The following NEURL1B variants were observed in gnomAD, a reference collection of about 807,000 sequenced individuals.
NEURL1B encodes the protein neuralized E3 ubiquitin protein ligase 1B, also known as E3 ubiquitin-protein ligase NEURL1B.
NEURL1B carries 13 observed loss-of-function variants against 37.4 expected under a neutral mutation model. That is an observed-to-expected ratio of 0.35 (90% CI 0.23 to 0.55). The LOEUF (loss-of-function observed/expected upper bound fraction) is 0.55, where lower values mean the gene tolerates loss of function less well. Ranked by LOEUF, NEURL1B falls within the 20% of genes least tolerant of loss-of-function variation. The pLI is 0.89. For synonymous variants in NEURL1B, 432 were observed against 426.6 expected, an observed-to-expected ratio of 1.01 and a Z score of -0.16; for missense variants, 790 against 879.2, an observed-to-expected ratio of 0.90 and a Z score of 1.28.
chr5:172,684,971 T>A (rs1029443463), intron 3 of NEURL1B, among the ~76,000 whole-genome samples: 2 of 152,222 alleles, frequency 1.3e-5, no homozygotes, highest in Admixed American at 6.5e-5. Context: ...TGTTCCCTCA[T>A]TGAATTTTAT....
At chr5:172,666,320 G>A (rs1270203134) in intron 1 of NEURL1B, among the ~76,000 whole-genome samples, 3 of 152,174 alleles carry the variant, frequency 2.0e-5, no homozygotes, top group Non-Finnish European at 4.4e-5. Flanking sequence ...ACTCCATTTC[G>A]TCATGCATGC....
At position 172,686,828 on chromosome 5, in the gene NEURL1B, G is replaced by T; in HGVS notation, c.1571G>T (p.Cys524Phe). 2 of 1,551,576 alleles carry T rather than the reference G, an allele frequency of 1.3e-6. No homozygotes were observed. The highest frequency in any genetic ancestry group is 1.7e-6 in the Non-Finnish European group (2 of 1,147,190). ...VIYTCGHMCL[C>F]HSCGLRLKRQ... is the part of the protein sequence containing the mutation. ...TACACGTGTGGACACATGTGCCTGT[G>T]CCACAGCTGCGGCCTGCGGCTCAAG... The change falls in exon 5 of 5, where the codon TGC becomes TTC. Residue 524 changes from cysteine to phenylalanine, a missense_variant. This residue lies in a region of NEURL1B where 115 missense variants were observed against 162.6 expected (regional missense o/e 0.71). Transcript: ENST00000369800. The surrounding 1 kb of genome is among the most constrained non-coding windows in gnomAD (Gnocchi z 7.9).
chr5:172,664,736 T>C (rs1374439724), intron 1 of NEURL1B, among the ~76,000 whole-genome samples: 1 of 152,218 alleles, frequency 6.6e-6, no homozygotes, highest in Non-Finnish European at 1.5e-5. Flanking sequence ...TTCTTTTATT[T>C]TAAGCATCTT....
Position 172,683,688 on chromosome 5 carries a change from C to A in NEURL1B, c.847C>A (p.His283Asn). The part of the protein sequence containing the change: ...PALLEADLRF[H>N]ATRGPDVSLS... ...GCTACTGGAGGCCGACCTGCGCTTC[C>A]ACGCAACACGCGGGCCCGACGTGAG... Residue 283 changes from histidine (H) to asparagine (N), a missense_variant, in exon 3 of 5, where the codon CAC becomes AAC. By Grantham distance (68) the His-to-Asn change is moderately conservative. Transcript: ENST00000369800. This position sits in a 1 kb window ranked among gnomAD's most constrained non-coding sequence, Gnocchi z 5.6. 1 of 1,346,116 alleles carries A rather than the reference C, an allele frequency of 7.4e-7. No homozygotes were observed. The highest frequency in any genetic ancestry group is 9.6e-7 in the Non-Finnish European group (1 of 1,040,784). 83.4% of individuals were successfully genotyped at this position (1,346,116 alleles called of 1,614,324 possible).
At position 172,683,913 on chromosome 5, in the gene NEURL1B, G is replaced by A. The variant is rs753202681; in HGVS notation, c.1072G>A (p.Asp358Asn). Residue 358 changes from aspartate (D) to asparagine (N), a missense_variant, in exon 3 of 5, where the codon GAC becomes AAC. Transcript: ENST00000369800. This position sits in a 1 kb window ranked among gnomAD's most constrained non-coding sequence, Gnocchi z 5.6. ...GVLRPNELPA[D>N]PDALLDRKEY... ...GCTACGGCCCAACGAGCTGCCCGCC[G>A]ACCCAGACGCGCTGCTCGACCGCAA... is the stretch of plus-strand genomic sequence containing the variant. 5.7e-6 allele frequency: 8 copies of A among 1,411,042 alleles called. No individual in the cohort carries two copies. Among genetic ancestry groups the A allele is most frequent in the Admixed American group, 2.5e-5 (1 of 40,164 alleles). The allele number at this position is 1,411,042 out of a possible 1,614,324, so 87.4% of individuals were successfully genotyped here. A position where few individuals can be genotyped will look rare whatever the true frequency, so the allele number is the denominator to read the frequency against.
In NEURL1B at chr5:172,665,862, A is replaced by G. The variant is rs1758001064; in HGVS notation, c.32-3923A>G. Among the ~76,000 whole-genome samples the G allele has an allele frequency of 6.6e-6, 1 of 152,056 alleles. No homozygotes were observed. Among genetic ancestry groups the G allele is most frequent in the African/African-American group, 2.4e-5 (1 of 41,412 alleles). On this transcript the variant is annotated intron_variant, in intron 1 of 4. Coordinates refer to ENST00000369800, the MANE Select transcript of NEURL1B (RefSeq NM_001142651.3). This position sits in a 1 kb window ranked among gnomAD's most constrained non-coding sequence, Gnocchi z 4.1. ...GGTGCCATCGCCTGAGATGGTCTTTATCACGCCTGTTGTCGTTGGGCATTC... is the reference window on the plus strand; with the variant it reads ...GGTGCCATCGCCTGAGATGGTCTTTGTCACGCCTGTTGTCGTTGGGCATTC...
rs2113288333 is a variant in NEURL1B at position 172,661,803 on chromosome 5, TG to T, written c.32-7981del. On this transcript the variant is annotated intron_variant, in intron 1 of 4. Transcript: ENST00000369800. This position sits in a 1 kb window ranked among gnomAD's most constrained non-coding sequence, Gnocchi z 4.0. ...TTCCTGCCATCCTCCTGACGGTAAC[TG>T]CCATTTCCTTGGGCTCTTTTTAGAT... Among the ~76,000 whole-genome samples, 1 of 150,916 alleles carries T rather than the reference TG, an allele frequency of 6.6e-6. No homozygotes were observed. Among genetic ancestry groups the T allele is most frequent in the Non-Finnish European group, 1.5e-5 (1 of 66,900 alleles).
At chr5:172,684,831 A>G (rs558609684) in intron 3 of NEURL1B, among the ~76,000 whole-genome samples, 48 of 152,288 alleles carry the variant, frequency 3.2e-4, no homozygotes, top group Admixed American at 1.0e-3. Flanking sequence ...CATTTGCTAC[A>G]GCCGGGGGCT....
chr5:172,653,141 G>A (rs1179329196), intron 1 of NEURL1B, among the ~76,000 whole-genome samples: 4 of 152,170 alleles, frequency 2.6e-5, no homozygotes, highest in Non-Finnish European at 5.9e-5. Context: ...ACTTAGTTTT[G>A]AGGGAAAGGT....
rs531166968 is a variant in NEURL1B, at chr5:172,675,563, C to T, written c.577+5233C>T. Among the ~76,000 whole-genome samples, 90 of 152,168 alleles carry T rather than the reference C, an allele frequency of 5.9e-4. No homozygotes were observed. The highest frequency in any genetic ancestry group is 1.7e-3 in the African/African-American group (71 of 41,484). ...GACTGAGTGCAGGAAAATTACTTTT[C>T]GCTGAATTTAGCAGTTCCTGGAGCC... is the stretch of plus-strand genomic sequence containing the variant. On this transcript the variant is annotated intron_variant, in intron 2 of 4. Transcript: ENST00000369800. This position sits in a 1 kb window ranked among gnomAD's most constrained non-coding sequence, Gnocchi z 4.7.
At position 172,675,053 on chromosome 5, in the gene NEURL1B, A is replaced by G. The variant is rs1342992329; in HGVS notation, c.577+4723A>G. ...CCCGGCTAATTTTTGTATTTTTAGT[A>G]AAGATGGGGTTTCTACTGGGTACCT... On this transcript the variant is annotated intron_variant, in intron 2 of 4. Coordinates refer to ENST00000369800, the MANE Select transcript of NEURL1B (RefSeq NM_001142651.3). The surrounding 1 kb of genome is among the most constrained non-coding windows in gnomAD (Gnocchi z 4.7). 6.6e-6 allele frequency among the ~76,000 whole-genome samples: 1 copy of G among 152,028 alleles called. No homozygotes were observed. The highest frequency in any genetic ancestry group is 2.1e-4 in the South Asian group (1 of 4,808).
chr5:172,690,092 C>T lies in NEURL1B; in HGVS notation c.*3167C>T, dbSNP rs1758612649. The T allele has an allele frequency of 6.6e-6, 1 of 152,388 alleles. No individual in the cohort carries two copies. The highest frequency in any genetic ancestry group is 2.4e-5 in the African/African-American group (1 of 41,470). The allele number at this position is 152,388 out of a possible 1,614,324, so 9.4% of individuals were successfully genotyped here. On this transcript the variant is annotated 3_prime_UTR_variant, in exon 5 of 5. Transcript: ENST00000369800. ...CCTCGGCTGTTCCAGGCTCACTGCC[C>T]ATGGTGTGCTCTTCTGGGCCACAGC... is the stretch of plus-strand genomic sequence containing the variant.
chr5:172,644,166 C>CA (rs1300708204), intron 1 of NEURL1B, among the ~76,000 whole-genome samples: 2 of 152,120 alleles, frequency 1.3e-5, no homozygotes, highest in African/African-American at 4.8e-5. Context: ...GTGGCTAGTA[C>CA]AGAGTAAATG....
intron 2 of NEURL1B, among the ~76,000 whole-genome samples, chr5:172,681,415 G>C (rs1176886147): frequency 6.6e-6 from 1 of 152,154 alleles, no homozygotes; most frequent in Non-Finnish European, 1.5e-5. Context: ...GCACACATAT[G>C]TACTTTTTTA....
In NEURL1B at chr5:172,676,469, G is replaced by C. The variant is rs1461776150; in HGVS notation, c.577+6139G>C. On this transcript the variant is annotated intron_variant, in intron 2 of 4. Transcript: ENST00000369800. This position sits in a 1 kb window ranked among gnomAD's most constrained non-coding sequence, Gnocchi z 4.5. ...CTCATGGATCTGGCCTGGGTCACAT[G>C]CCTATCCTTGAACCCATCTCCATGG... Among the ~76,000 whole-genome samples, 11 of 152,210 alleles carry C rather than the reference G, an allele frequency of 7.2e-5. No homozygotes were observed. The highest frequency in any genetic ancestry group is 7.2e-4 in the Admixed American group (11 of 15,276).
rs1175730110 is a variant in NEURL1B at position 172,675,422 on chromosome 5, C to T, written c.577+5092C>T. Among the ~76,000 whole-genome samples the T allele has an allele frequency of 6.6e-6, 1 of 152,058 alleles. No homozygotes were observed. The highest frequency in any genetic ancestry group is 2.4e-5 in the African/African-American group (1 of 41,382). On this transcript the variant is annotated intron_variant, in intron 2 of 4. Coordinates refer to ENST00000369800, the MANE Select transcript of NEURL1B (RefSeq NM_001142651.3). This position sits in a 1 kb window ranked among gnomAD's most constrained non-coding sequence, Gnocchi z 4.7. The stretch of plus-strand genomic sequence containing the variant: ...TAGGGTGCATTGTCTCAGGGCTGCT[C>T]TATGCTTGTTTAATGGTCTCTGGGG...
At position 172,683,413 on chromosome 5, in the gene NEURL1B, G is replaced by C. The variant is rs765554936; in HGVS notation, c.578-6G>C. 5.2e-6 allele frequency: 7 copies of C among 1,346,536 alleles called. No homozygotes were observed. In the African/African-American group the frequency reaches 9.1e-5, roughly 18 times the overall value. 83.4% of individuals were successfully genotyped at this position (1,346,536 alleles called of 1,614,324 possible). A position where few individuals can be genotyped will look rare whatever the true frequency, so the allele number is the denominator to read the frequency against. Reference sequence around the variant, plus strand: ...CCCCTCCATGTCCCTCCCTTTGTCCGCACAGAGAGCGCCTTCGCTGACACG... The same window carrying C: ...CCCCTCCATGTCCCTCCCTTTGTCCCCACAGAGAGCGCCTTCGCTGACACG... On this transcript the variant is annotated splice_region_variant and splice_polypyrimidine_tract_variant and intron_variant, in intron 2 of 4. Transcript: ENST00000369800. The surrounding 1 kb of genome is among the most constrained non-coding windows in gnomAD (Gnocchi z 5.6).
At chr5:172,648,532 C>G (rs1204518969) in intron 1 of NEURL1B, among the ~76,000 whole-genome samples, 2 of 152,204 alleles carry the variant, frequency 1.3e-5, no homozygotes, top group East Asian at 3.9e-4. Context: ...AACGTAGGCA[C>G]AGAGAGGGAA....
intron 2 of NEURL1B, among the ~76,000 whole-genome samples, chr5:172,673,129 A>T (rs1758163177): frequency 6.6e-6 from 1 of 152,196 alleles, no homozygotes. Flanking sequence ...GTGATTTATA[A>T]TCAGGAAAAA....
Sources: allele counts gnomAD v4.1 joint callset (sites outside exome capture counted in the v4.1 genomes callset), GRCh38; gene constraint gnomAD v4.1.1; regional missense constraint gnomAD v4.1.1; non-coding constraint Gnocchi (gnomAD v3.1); transcripts MANE v1.5; gene names NCBI Gene and HGNC (gene_info 2026-07-23, HGNC 2026-07-21).